The following AGBL1 variants were observed in gnomAD, a reference collection of about 807,000 sequenced individuals.
AGBL1 encodes the protein cytosolic carboxypeptidase 4.
In AGBL1, 130 loss-of-function variants were observed where a neutral mutation model predicts 118.9. The observed-to-expected ratio is 1.09, with a 90% CI of 0.95 to 1.26. The LOEUF (loss-of-function observed/expected upper bound fraction) is 1.26, where lower values mean the gene tolerates loss of function less well. AGBL1 is among the 50% of genes most tolerant of loss of function. The pLI is 0.00. For synonymous variants in AGBL1, 555 were observed against 478.9 expected, an observed-to-expected ratio of 1.16 and a Z score of -2.08; for missense variants, 1,584 against 1,298.1, an observed-to-expected ratio of 1.22 and a Z score of -3.38.
At chr15:86,728,932 G>T (rs1445946408) in intron 22 of AGBL1, among the ~76,000 whole-genome samples, 1 of 152,132 alleles carries the variant, frequency 6.6e-6, no homozygotes, top group Non-Finnish European at 1.5e-5. Flanking sequence ...CAGGGATTTT[G>T]TGTGTTTTAT....
chr15:86,715,782 G>T (rs568695927), intron 22 of AGBL1, among the ~76,000 whole-genome samples: 1 of 152,098 alleles, frequency 6.6e-6, no homozygotes, highest in East Asian at 1.9e-4. Flanking sequence ...AATCAGGCCG[G>T]GTGCGGTGGC....
intron 21 of AGBL1, among the ~76,000 whole-genome samples, chr15:86,595,415 T>A (rs932934533): frequency 6.6e-6 from 1 of 152,166 alleles, no homozygotes; most frequent in Admixed American, 6.5e-5. Context: ...GTCAGTTCTG[T>A]CTTTCTGGTT....
intron 22 of AGBL1, among the ~76,000 whole-genome samples, chr15:86,768,068 T>C (rs2078121792): frequency 6.6e-6 from 1 of 152,000 alleles, no homozygotes. Flanking sequence ...GCCCTGATCA[T>C]GTTGCTTCAA....
chr15:86,652,500 A>G (rs903620702), intron 21 of AGBL1, among the ~76,000 whole-genome samples: 2 of 152,094 alleles, frequency 1.3e-5, no homozygotes, highest in African/African-American at 4.8e-5. Flanking sequence ...ATATTAACAC[A>G]CCGAGATGTG....
At chr15:86,806,598 T>C (rs1256807566) in intron 22 of AGBL1, among the ~76,000 whole-genome samples, 2 of 152,248 alleles carry the variant, frequency 1.3e-5, no homozygotes, top group African/African-American at 4.8e-5. Context: ...TTAAGCAAGC[T>C]TCTTAACCTC....
chr15:86,980,885 C>CTGTTTTTT (rs2081225359), intron 23 of AGBL1, among the ~76,000 whole-genome samples: 1 of 118,986 alleles, frequency 8.4e-6, no homozygotes. Flanking sequence ...CAGAAACATC[C>CTGTTTTTT]TTTTTTTTTT....
intron 22 of AGBL1, among the ~76,000 whole-genome samples, chr15:86,891,692 G>A (rs565037747): frequency 6.6e-6 from 1 of 152,038 alleles, no homozygotes; most frequent in Non-Finnish European, 1.5e-5. Flanking sequence ...TTGCCCACAA[G>A]CACCTTCTCT....
chr15:86,911,814 C>A lies in AGBL1; in HGVS notation c.*4520C>A, dbSNP rs190038828. 5.9e-5 allele frequency: 9 copies of A among 152,294 alleles called. No individual in the cohort carries two copies. The East Asian group carries it at 1.7e-3, about 29-fold the overall frequency. 9.4% of individuals were successfully genotyped at this position (152,294 alleles called of 1,614,324 possible). A position where few individuals can be genotyped will look rare whatever the true frequency, so the allele number is the denominator to read the frequency against. On this transcript the variant is annotated 3_prime_UTR_variant, in exon 23 of 23. Coordinates refer to ENST00000614907, the MANE Select transcript of AGBL1 (RefSeq NM_001386094.1). ...TAAAACTTGTCCTCATCACCCAATG[C>A]CAAGTTATATATAATCTCTCTTCCA...
chr15:86,895,596 G>C (rs563548696), intron 22 of AGBL1, among the ~76,000 whole-genome samples: 1 of 151,864 alleles, frequency 6.6e-6, no homozygotes, highest in Non-Finnish European at 1.5e-5. Flanking sequence ...GCATTGACAA[G>C]ACATAATTAA....
chr15:86,160,408 A>T (rs545474374), intron 5 of AGBL1, among the ~76,000 whole-genome samples: 133 of 152,334 alleles, frequency 8.7e-4, no homozygotes, highest in Non-Finnish European at 1.6e-3. Flanking sequence ...TCTTTGGTTC[A>T]TCCAGGGATT....
intron 18 of AGBL1, among the ~76,000 whole-genome samples, chr15:86,423,992 A>G (rs758896725): frequency 3.9e-5 from 6 of 152,226 alleles, no homozygotes; most frequent in Non-Finnish European, 7.3e-5. Flanking sequence ...TAACCCCATC[A>G]AGCTACCATT....
intron 18 of AGBL1, among the ~76,000 whole-genome samples, chr15:86,446,955 G>A (rs1197916868): frequency 1.3e-5 from 2 of 152,174 alleles, no homozygotes; most frequent in Admixed American, 6.5e-5. Context: ...GAAGCAAGAT[G>A]CTTTGATCCA....
chr15:86,264,448 T>G lies in AGBL1; in HGVS notation c.1277T>G (p.Val426Gly), dbSNP rs746426590. 33 of 1,613,848 alleles carry G rather than the reference T, an allele frequency of 2.0e-5. No individual in the cohort carries two copies. The highest frequency in any genetic ancestry group is 2.8e-5 in the Non-Finnish European group (33 of 1,179,888). Reference protein sequence around the residue: ...LCRVKTGRSTVHLGSKKNPGV... With the variant: ...LCRVKTGRSTGHLGSKKNPGV... The stretch of plus-strand genomic sequence containing the variant: ...AGGGTGAAGACGGGAAGGTCCACTG[T>G]GCATCTAGGCTCCAAAAAAAATCCT... Residue 426 changes from valine (V) to glycine (G), a missense_variant, in exon 11 of 23, where the codon GTG becomes GGG. Transcript: ENST00000614907.
chr15:86,174,830 A>T lies in AGBL1; in HGVS notation c.488+15804A>T, dbSNP rs117071140. ...TTTGTATATGTTGAACCATCCTTGCACTCCTGGGTTAAATCCCCCTTGATC... is the reference window on the plus strand; with the variant it reads ...TTTGTATATGTTGAACCATCCTTGCTCTCCTGGGTTAAATCCCCCTTGATC... On this transcript the variant is annotated intron_variant, in intron 5 of 22. Coordinates refer to ENST00000614907, the MANE Select transcript of AGBL1 (RefSeq NM_001386094.1). Among the ~76,000 whole-genome samples the T allele has an allele frequency of 1.0e-3, 152 of 151,370 alleles. No homozygotes were observed. In the East Asian group the frequency reaches 0.016, roughly 16 times the overall value.
At chr15:86,238,520 T>A (rs2078590711) in intron 6 of AGBL1, among the ~76,000 whole-genome samples, 1 of 152,202 alleles carries the variant, frequency 6.6e-6, no homozygotes, top group South Asian at 2.1e-4. Context: ...GTTAGAGAAT[T>A]TTCAAACTAG....
chr15:86,143,044 G>A (rs1250872247), intron 2 of AGBL1, among the ~76,000 whole-genome samples: 1 of 152,180 alleles, frequency 6.6e-6, no homozygotes, highest in Admixed American at 6.5e-5. Context: ...TAATGAAATC[G>A]TTGCTTTTGA....
intron 3 of AGBL1, among the ~76,000 whole-genome samples, chr15:86,149,830 C>G (rs1386958611): frequency 7.9e-5 from 12 of 152,178 alleles, no homozygotes; most frequent in Admixed American, 7.9e-4. Context: ...ATATATTCTT[C>G]TCAGCACCAC....
intron 21 of AGBL1, among the ~76,000 whole-genome samples, chr15:86,569,178 T>A (rs546340390): frequency 1.3e-5 from 2 of 152,306 alleles, no homozygotes; most frequent in East Asian, 3.9e-4. Flanking sequence ...ATGCCTGTTA[T>A]CCCAACAATT....
At chr15:86,766,528 A>G (rs1488557358) in intron 22 of AGBL1, among the ~76,000 whole-genome samples, 1 of 151,976 alleles carries the variant, frequency 6.6e-6, no homozygotes, top group Non-Finnish European at 1.5e-5. Context: ...CCCATCAATT[A>G]CAAGAAATAC....
Sources: gnomAD v4.1 joint callset for allele counts (sites outside exome capture counted in the v4.1 genomes callset) on GRCh38, gnomAD v4.1.1 for gene constraint, MANE v1.5 for transcripts, NCBI Gene and HGNC (gene_info 2026-07-23, HGNC 2026-07-21) for gene names.